Variants in SYNE3 observed in about 807,000 individuals in gnomAD.
The protein encoded by SYNE3 is nesprin-3.
A neutral mutation model predicts 111.2 loss-of-function variants in SYNE3; 100 were observed. The ratio of observed to expected loss-of-function variants is 0.90; its 90% CI spans 0.77 to 1.06. The LOEUF is 1.06. Ranked by LOEUF, SYNE3 falls within the 50% of genes least tolerant of loss-of-function variation. The pLI is 0.00. For synonymous variants in SYNE3, 547 were observed against 533.9 expected (o/e 1.02, Z -0.34); for missense variants, 1,160 against 1,240.3 (o/e 0.94, Z 0.97).
rs771384479 is a variant in SYNE3, at chr14:95,457,153, G to T, written c.789+24C>A. The T allele has an allele frequency of 2.5e-6, 4 of 1,610,212 alleles. No homozygotes were observed. The Admixed American group carries it at 6.7e-5, about 27-fold the overall frequency. ...CTGTGACTGTCCCTAGGGTCCCTCTGGTTGAGACACAGCTGGGGATTACCT... is the reference window on the plus strand; with the variant it reads ...CTGTGACTGTCCCTAGGGTCCCTCTTGTTGAGACACAGCTGGGGATTACCT... On this transcript the variant is annotated intron_variant, in intron 5 of 17. Transcript: ENST00000682763.
Position 95,439,230 on chromosome 14 carries a change from T to C in SYNE3, c.2247-68A>G, listed in dbSNP as rs114333730. On this transcript the variant is annotated intron_variant, in intron 13 of 17. Transcript: ENST00000682763. ...GGGACCCACCAGGACATGGGAAAAG[T>C]AATAGAATTGGGGAACCACGGGTCA... The C allele has an allele frequency of 1.5e-3, 2,337 of 1,600,688 alleles. 31 individuals are homozygous for C. The African/African-American group carries it at 0.027, about 19-fold the overall frequency.
At chr14:95,420,837 A>G (rs1167008284) in intron 17 of SYNE3, among the ~76,000 whole-genome samples, 1 of 151,396 alleles carries the variant, frequency 6.6e-6, no homozygotes, top group East Asian at 1.9e-4. Context: ...AGGAAGTTAT[A>G]AGCTCCCTAT....
At chr14:95,504,820 A>T (rs1890468982) in intron 1 of SYNE3, among the ~76,000 whole-genome samples, 1 of 93,312 alleles carries the variant, frequency 1.1e-5, no homozygotes, top group Admixed American at 9.4e-5. Flanking sequence ...ACCTCTATCT[A>T]AAAAAAAAGA....
At chr14:95,422,411 G>A (rs1885176910) in intron 17 of SYNE3, among the ~76,000 whole-genome samples, 1 of 152,122 alleles carries the variant, frequency 6.6e-6, no homozygotes, top group African/African-American at 2.4e-5. Flanking sequence ...CCCAGTCCAA[G>A]GTCACACAGA....
At chr14:95,516,334 G>C (rs907763888) in intron 1 of SYNE3, 8 of 152,404 alleles carry the variant, frequency 5.2e-5, no homozygotes, top group African/African-American at 1.4e-4. Context: ...AAGCTCCCCG[G>C]GGTTGAAAGG....
intron 14 of SYNE3, among the ~76,000 whole-genome samples, chr14:95,437,264 T>C (rs886279193): frequency 6.6e-6 from 1 of 152,240 alleles, no homozygotes; most frequent in Admixed American, 6.5e-5. Context: ...TCCACCATGC[T>C]TGCCCCCTCG....
intron 1 of SYNE3, among the ~76,000 whole-genome samples, chr14:95,506,230 G>A (rs1294969395): frequency 1.3e-5 from 2 of 152,190 alleles, no homozygotes; most frequent in African/African-American, 4.8e-5. Flanking sequence ...CCACTGTATT[G>A]AGGAGGATCC....
intron 14 of SYNE3, 69 bp from the exon 15 acceptor site, chr14:95,437,050 C>T: frequency 6.3e-7 from 1 of 1,596,654 alleles, no homozygotes; most frequent in South Asian, 1.1e-5. Flanking sequence ...CCTGGGAATT[C>T]CACCTGAGGC....
At position 95,416,314 on chromosome 14, in the gene SYNE3, G is replaced by C. The variant is rs1903579781; in HGVS notation, c.*1512C>G. 6.6e-6 allele frequency: 1 copy of C among 152,196 alleles called. No individual in the cohort carries two copies. The highest frequency in any genetic ancestry group is 6.5e-5 in the Admixed American group (1 of 15,284). 9.4% of individuals were successfully genotyped at this position (152,196 alleles called of 1,614,324 possible). ...GTCCTCAGTTTCCCCTCTACTTAAA[G>C]GGCCTTTCTGGGTCTATAATACCTT... On this transcript the variant is annotated 3_prime_UTR_variant, in exon 18 of 18. Coordinates refer to ENST00000682763, the MANE Select transcript of SYNE3 (RefSeq NM_152592.6).
chr14:95,415,553 G>A lies in SYNE3; in HGVS notation c.*2273C>T, dbSNP rs1903554669. 6.6e-6 allele frequency: 1 copy of A among 152,122 alleles called. No individual in the cohort carries two copies. The highest frequency in any genetic ancestry group is 2.1e-4 in the South Asian group (1 of 4,826). The allele number at this position is 152,122 out of a possible 1,614,324, so 9.4% of individuals were successfully genotyped here. A position where few individuals can be genotyped will look rare whatever the true frequency, so the allele number is the denominator to read the frequency against. ...GTAGTTGCCAATTCTGCATGTACTA[G>A]TCTTGTAGAAATAAGTTAAACTGAA... On this transcript the variant is annotated 3_prime_UTR_variant, in exon 18 of 18. Transcript: ENST00000682763.
At chr14:95,496,756 T>C (rs184142689) in intron 1 of SYNE3, among the ~76,000 whole-genome samples, 1 of 152,228 alleles carries the variant, frequency 6.6e-6, no homozygotes, top group South Asian at 2.1e-4. Context: ...AACCACTTCC[T>C]TTTTCTTGGA....
intron 5 of SYNE3, among the ~76,000 whole-genome samples, chr14:95,456,854 G>A (rs1887473740): frequency 6.6e-6 from 1 of 152,136 alleles, no homozygotes; most frequent in African/African-American, 2.4e-5. Flanking sequence ...GGAGCCCGAG[G>A]CTGGCAGATC....
chr14:95,477,334 G>C (rs1319412187), intron 1 of SYNE3, among the ~76,000 whole-genome samples: 1 of 152,210 alleles, frequency 6.6e-6, no homozygotes, highest in East Asian at 1.9e-4. Flanking sequence ...CCTGGCATTG[G>C]GGGAGAGGCA....
At chr14:95,444,244 G>A (rs1224048937) in intron 10 of SYNE3, 4 of 504,792 alleles carry the variant, frequency 7.9e-6, no homozygotes, top group Non-Finnish European at 1.0e-5. Flanking sequence ...TTGGAACTGA[G>A]GAGTAAACAG....
Position 95,485,492 on chromosome 14 carries a change from C to T in SYNE3, c.-14-9657G>A, listed in dbSNP as rs1889496963. On this transcript the variant is annotated intron_variant, in intron 1 of 17. Coordinates refer to ENST00000682763, the MANE Select transcript of SYNE3 (RefSeq NM_152592.6). This position sits in a 1 kb window ranked among gnomAD's most constrained non-coding sequence, Gnocchi z 4.3. Reference sequence around the variant, plus strand: ...ACTGAGAGAGTCGGCTGCTCCCCGACCAAAGACAGGACGCCCTAACCTACA... The same window carrying T: ...ACTGAGAGAGTCGGCTGCTCCCCGATCAAAGACAGGACGCCCTAACCTACA... 6.6e-6 allele frequency among the ~76,000 whole-genome samples: 1 copy of T among 152,156 alleles called. No individual in the cohort carries two copies. The highest frequency in any genetic ancestry group is 2.1e-4 in the South Asian group (1 of 4,830).
rs992059046 is a variant in SYNE3, at chr14:95,414,067, C to T, written c.*3759G>A. 1 of 152,352 alleles carries T rather than the reference C, an allele frequency of 6.6e-6. No homozygotes were observed. The highest frequency in any genetic ancestry group is 1.9e-4 in the East Asian group (1 of 5,162). 9.4% of individuals were successfully genotyped at this position (152,352 alleles called of 1,614,324 possible). A position where few individuals can be genotyped will look rare whatever the true frequency, so the allele number is the denominator to read the frequency against. On this transcript the variant is annotated 3_prime_UTR_variant, in exon 18 of 18. Transcript: ENST00000682763. ...CCCTCAGGGAAACATTTGGATGCTC[C>T]GCTCTGGCCATGTCCCAGGCGAGCT...
At chr14:95,425,361 G>A (rs1885374667) in intron 17 of SYNE3, among the ~76,000 whole-genome samples, 1 of 152,322 alleles carries the variant, frequency 6.6e-6, no homozygotes, top group East Asian at 1.9e-4. Flanking sequence ...GCTGCATAGT[G>A]TATGAATCCA....
chr14:95,472,073 A>C (rs747910), intron 2 of SYNE3, among the ~76,000 whole-genome samples: 2 of 152,230 alleles, frequency 1.3e-5, no homozygotes, highest in East Asian at 3.8e-4. Flanking sequence ...GAGCTCAGGG[A>C]GGGATGGGAG....
In SYNE3 at chr14:95,427,390, G is replaced by A. The variant is rs373418791; in HGVS notation, c.2727+4689C>T. On this transcript the variant is annotated intron_variant, in intron 17 of 17. Coordinates refer to ENST00000682763, the MANE Select transcript of SYNE3 (RefSeq NM_152592.6). ...GGAGGGCCTGACATCAGTCAGGCCC[G>A]CCCGCAGTTATCCGGAGGCCTAACC... Among the ~76,000 whole-genome samples the A allele has an allele frequency of 5.9e-5, 9 of 152,122 alleles. No individual in the cohort carries two copies. The East Asian group carries it at 7.7e-4, about 13-fold the overall frequency.
Sources: allele counts gnomAD v4.1 joint callset (sites outside exome capture counted in the v4.1 genomes callset), GRCh38; gene constraint gnomAD v4.1.1; non-coding constraint Gnocchi (gnomAD v3.1); transcripts MANE v1.5; gene names NCBI Gene and HGNC (gene_info 2026-07-23, HGNC 2026-07-21).